TNRC18: variants seen among roughly 807,000 people sequenced by gnomAD.
TNRC18 encodes the protein trinucleotide repeat containing 18.
TNRC18 carries 69 observed loss-of-function variants against 226.7 expected under a neutral mutation model. The ratio of observed to expected loss-of-function variants is 0.30; its 90% CI spans 0.25 to 0.37. The LOEUF (loss-of-function observed/expected upper bound fraction) is 0.37, where lower values mean the gene tolerates loss of function less well. Among genes scored for constraint, TNRC18 ranks in the 10% least tolerant of loss-of-function variants. The pLI, the probability that TNRC18 is intolerant of heterozygous loss-of-function variation, is 1.00. For synonymous variants in TNRC18, 2,449 were observed against 1,927.6 expected (o/e 1.27, Z -7.09); for missense variants, 4,754 against 4,256.6 (o/e 1.12, Z -3.25).
At chr7:5,315,884 C>G in intron 25 of TNRC18, 72 bp downstream of exon 25, 1 of 1,180,146 alleles carries the variant, frequency 8.5e-7, no homozygotes, top group Non-Finnish European at 1.2e-6. Context: ...AGCTCAGAGC[C>G]GGGCTTGGAG....
rs1583722439 is a variant in TNRC18 at position 5,312,557 on chromosome 7, G to A, written c.8334C>T (p.Ile2778=). Residue 2778 remains isoleucine, a synonymous_variant, in exon 27 of 30, where the codon ATC becomes ATT. Transcript: ENST00000430969. The surrounding 1 kb of genome is among the most constrained non-coding windows in gnomAD (Gnocchi z 6.3). ...RLPSVENRPK[I]AAFLPARQLW... ...GCTGCCGGGCTGGCAGGAAGGCGGC[G>A]ATCTTGGGCCGGTTCTCCACGGACG... 4.3e-6 allele frequency: 7 copies of A among 1,611,312 alleles called. No homozygotes were observed. Among genetic ancestry groups the A allele is most frequent in the African/African-American group, 2.7e-5 (2 of 74,868 alleles).
Position 5,312,845 on chromosome 7 carries a change from G to C in TNRC18, c.8046C>G (p.Asp2682Glu), listed in dbSNP as rs777348317. The stretch of plus-strand genomic sequence containing the variant: ...CCGTGGGGGCGGGGGCTGCCTCATC[G>C]TCCGAGCTGCAGGAAGAGTCCTCGT... ...TTDEDSSCSSDDEAAPAPTAG... is the reference protein window; with the variant it reads ...TTDEDSSCSSEDEAAPAPTAG... The change falls in exon 27 of 30, where the codon GAC becomes GAG. Residue 2682 changes from aspartate to glutamate, a missense_variant. Coordinates refer to ENST00000430969, the MANE Select transcript of TNRC18 (RefSeq NM_001080495.3). This position sits in a 1 kb window ranked among gnomAD's most constrained non-coding sequence, Gnocchi z 6.3. The C allele has an allele frequency of 3.5e-5, 53 of 1,525,070 alleles. No homozygotes were observed. The African/African-American group carries it at 5.5e-4, about 16-fold the overall frequency. 94.5% of individuals were successfully genotyped at this position (1,525,070 alleles called of 1,614,324 possible).
At chr7:5,416,824 C>G (rs534274407) in intron 2 of TNRC18, among the ~76,000 whole-genome samples, 2 of 151,788 alleles carry the variant, frequency 1.3e-5, no homozygotes, top group South Asian at 2.1e-4. Context: ...GACCCCGTCT[C>G]TATAGAAAAT....
chr7:5,353,147 T>C (rs1792005403), intron 16 of TNRC18, among the ~76,000 whole-genome samples: 1 of 152,176 alleles, frequency 6.6e-6, no homozygotes, highest in Non-Finnish European at 1.5e-5. Flanking sequence ...CCAGTCAAAG[T>C]GCGCTCTCTC....
At position 5,312,387 on chromosome 7, in the gene TNRC18, C is replaced by T; in HGVS notation, c.8388+116G>A. ...TCCATAAAGTGGGACGCCAGCCCTCCACCCTGGGGTTCTGGGAGGTTACCA... is the reference window on the plus strand; with the variant it reads ...TCCATAAAGTGGGACGCCAGCCCTCTACCCTGGGGTTCTGGGAGGTTACCA... On this transcript the variant is annotated intron_variant, in intron 27 of 29. Transcript: ENST00000430969. This position sits in a 1 kb window ranked among gnomAD's most constrained non-coding sequence, Gnocchi z 6.3. 1.4e-6 allele frequency: 2 copies of T among 1,426,938 alleles called. No individual in the cohort carries two copies. Among genetic ancestry groups the T allele is most frequent in the Non-Finnish European group, 1.8e-6 (2 of 1,087,046 alleles). The allele number at this position is 1,426,938 out of a possible 1,614,324, so 88.4% of individuals were successfully genotyped here.
At chr7:5,412,437 G>A (rs1781903138) in intron 2 of TNRC18, among the ~76,000 whole-genome samples, 1 of 151,994 alleles carries the variant, frequency 6.6e-6, no homozygotes, top group Non-Finnish European at 1.5e-5. Flanking sequence ...TTAGCCGGGA[G>A]TGGTGGCAGG....
chr7:5,372,673 C>A (rs1794278800), intron 10 of TNRC18, among the ~76,000 whole-genome samples: 1 of 152,116 alleles, frequency 6.6e-6, no homozygotes, highest in Non-Finnish European at 1.5e-5. Context: ...TATGATGGCA[C>A]CACTGCACGG....
chr7:5,339,543 G>GTA (rs2128133980), intron 18 of TNRC18, among the ~76,000 whole-genome samples: 1 of 63,310 alleles, frequency 1.6e-5, no homozygotes, highest in East Asian at 4.6e-4. Flanking sequence ...CCCAGCCAAT[G>GTA]TGTGTGTGTG....
chr7:5,420,770 G>A, intron 2 of TNRC18: 1 of 643,196 alleles, frequency 1.6e-6, no homozygotes, highest in African/African-American at 1.8e-5. Context: ...GGCTCGTGCC[G>A]CCGGGGCCCC....
chr7:5,309,732 G>A lies in TNRC18; in HGVS notation c.8389-364C>T, dbSNP rs1786989998. ...ATCCTCTCCCACCTCAGCCTCTGAG[G>A]AGCTGAGAATACAGGCGCACACCAC... On this transcript the variant is annotated intron_variant, in intron 27 of 29. Coordinates refer to ENST00000430969, the MANE Select transcript of TNRC18 (RefSeq NM_001080495.3). The surrounding 1 kb of genome is among the most constrained non-coding windows in gnomAD (Gnocchi z 5.7). Among the ~76,000 whole-genome samples, 2 of 152,108 alleles carry A rather than the reference G, an allele frequency of 1.3e-5. No individual in the cohort carries two copies. The highest frequency in any genetic ancestry group is 2.1e-4 in the South Asian group (1 of 4,830).
intron 2 of TNRC18, among the ~76,000 whole-genome samples, chr7:5,416,004 C>T (rs981468361): frequency 6.6e-6 from 1 of 151,252 alleles, no homozygotes; most frequent in African/African-American, 2.4e-5. Context: ...ATCCCAGCTA[C>T]TCGGGGAGGC....
chr7:5,387,320 C>T (rs1779867226), intron 5 of TNRC18, among the ~76,000 whole-genome samples: 1 of 152,184 alleles, frequency 6.6e-6, no homozygotes, highest in Non-Finnish European at 1.5e-5. Flanking sequence ...ATCGGTAAGG[C>T]ACAGTTAGGT....
chr7:5,358,253 A>C (rs1792662646), intron 15 of TNRC18, among the ~76,000 whole-genome samples: 1 of 152,200 alleles, frequency 6.6e-6, no homozygotes. Context: ...TCCTGCCTGC[A>C]TGTCTATCGT....
At chr7:5,351,163 G>A (rs745608715) in intron 17 of TNRC18, among the ~76,000 whole-genome samples, 10 of 151,996 alleles carry the variant, frequency 6.6e-5, no homozygotes, top group East Asian at 1.9e-4. Flanking sequence ...CAGGCGGCAC[G>A]GTCCCGTCCC....
chr7:5,384,604 G>A (rs906385401), intron 5 of TNRC18, among the ~76,000 whole-genome samples: 10 of 149,292 alleles, frequency 6.7e-5, no homozygotes, highest in South Asian at 2.2e-4. Context: ...TCCAGTGACC[G>A]TGAGCCCCCA....
intron 19 of TNRC18, among the ~76,000 whole-genome samples, chr7:5,326,374 C>T (rs995464699): frequency 6.6e-6 from 1 of 152,128 alleles, no homozygotes; most frequent in African/African-American, 2.4e-5. Context: ...TATGGAGAAA[C>T]CCTAATGCAC....
chr7:5,359,099 A>G (rs1273809054), intron 15 of TNRC18, among the ~76,000 whole-genome samples: 1 of 152,208 alleles, frequency 6.6e-6, no homozygotes, highest in African/African-American at 2.4e-5. Flanking sequence ...CTTGGTTAAG[A>G]ACTTGTGTCT....
chr7:5,395,265 G>C (rs1391561024), intron 2 of TNRC18, among the ~76,000 whole-genome samples: 3 of 152,222 alleles, frequency 2.0e-5, no homozygotes, highest in Admixed American at 1.3e-4. Flanking sequence ...ATGAATCCGT[G>C]ATGAATGGAG....
intron 18 of TNRC18, among the ~76,000 whole-genome samples, chr7:5,338,933 A>C (rs1376540860): frequency 6.7e-6 from 1 of 150,138 alleles, no homozygotes; most frequent in Non-Finnish European, 1.5e-5. Context: ...AAGGAAAAAA[A>C]AAAAAAAAAA....
Sources: gnomAD v4.1 joint callset for allele counts (sites outside exome capture counted in the v4.1 genomes callset) on GRCh38, gnomAD v4.1.1 for gene constraint, Gnocchi (gnomAD v3.1) non-coding constraint, MANE v1.5 for transcripts, NCBI Gene and HGNC (gene_info 2026-07-23, HGNC 2026-07-21) for gene names.